The following NBAS variants were observed in gnomAD, a reference collection of about 807,000 sequenced individuals.
NBAS encodes NAG/BC035112 fusion.
NBAS carries 219 observed loss-of-function variants against 302.5 expected under a neutral mutation model. That is an observed-to-expected ratio of 0.72 (90% CI 0.65 to 0.81). NBAS has a LOEUF of 0.81. Among genes scored for constraint, NBAS ranks in the 30% least tolerant of loss-of-function variants. The probability of loss-of-function intolerance (pLI) is 0.00; values close to 1 mark genes in which losing one functional copy is unlikely to be tolerated. For synonymous variants in NBAS, 1,118 were observed against 1,021.6 expected (o/e 1.09, Z -1.80); for missense variants, 2,932 against 2,841.6 (o/e 1.03, Z -0.72).
intron 25 of NBAS, among the ~76,000 whole-genome samples, chr2:15,412,644 C>T (rs1274630870): frequency 6.6e-6 from 1 of 152,112 alleles, no homozygotes; most frequent in African/African-American, 2.4e-5. Context: ...AGGCTGCCTG[C>T]ACAATTTTAA....
the NBAS span, among the ~76,000 whole-genome samples, chr2:15,136,471 T>C: frequency 6.6e-6 from 1 of 152,206 alleles, no homozygotes; most frequent in Non-Finnish European, 1.5e-5. Flanking sequence ...GTGGCTGGGC[T>C]CCAAGAAAAC....
In NBAS at chr2:15,445,668, T is replaced by A. The variant is rs192723571; in HGVS notation, c.2339+15533A>T. Reference sequence around the variant, plus strand: ...CTTAAAGTATAATAATAAAAAAAAATTTTTAAATTTACTTTCAACTAAAAA... The same window carrying A: ...CTTAAAGTATAATAATAAAAAAAAAATTTTAAATTTACTTTCAACTAAAAA... On this transcript the variant is annotated intron_variant, in intron 21 of 51. Transcript: ENST00000281513. Among the ~76,000 whole-genome samples the A allele has an allele frequency of 3.9e-3, 594 of 151,358 alleles. 3 individuals are homozygous for A. Among genetic ancestry groups the A allele is most frequent in the East Asian group, 0.011 (56 of 5,154 alleles).
chr2:15,120,196 A>T, the NBAS span, among the ~76,000 whole-genome samples: 1 of 152,226 alleles, frequency 6.6e-6, no homozygotes, highest in Non-Finnish European at 1.5e-5. Context: ...AAAGCACGGC[A>T]GCTTAGCAGG....
the NBAS span, among the ~76,000 whole-genome samples, chr2:15,132,528 T>G: frequency 1.3e-5 from 2 of 152,170 alleles, no homozygotes; most frequent in South Asian, 4.1e-4. Context: ...TTTGCACAAA[T>G]CCATACAATA....
In NBAS at chr2:15,510,781, CTT is replaced by C. The variant is rs1486328983; in HGVS notation, c.885+429_885+430del. 2.6e-5 allele frequency among the ~76,000 whole-genome samples: 4 copies of C among 152,268 alleles called. No individual in the cohort carries two copies. In the East Asian group the frequency reaches 7.7e-4, roughly 29 times the overall value. ...TTTGCTAGCTGGATGATCAGGGCAA[CTT>C]ACTTAACTACACCTCACTTACCACC... On this transcript the variant is annotated intron_variant, in intron 10 of 51. Coordinates refer to ENST00000281513, the MANE Select transcript of NBAS (RefSeq NM_015909.4).
intron 18 of NBAS, 118 bp from the exon 19 acceptor site, chr2:15,467,525 G>A: frequency 7.8e-7 from 1 of 1,279,804 alleles, no homozygotes; most frequent in Admixed American, 1.8e-5. Flanking sequence ...GTTCAGAAAA[G>A]CACAAGGGTA....
chr2:15,109,593 C>G, the NBAS span, among the ~76,000 whole-genome samples: 1 of 152,122 alleles, frequency 6.6e-6, no homozygotes. Flanking sequence ...AGCTGGAAGG[C>G]TCAGATCAGG....
chr2:15,063,884 T>C, the NBAS span, among the ~76,000 whole-genome samples: 1 of 152,174 alleles, frequency 6.6e-6, no homozygotes, highest in African/African-American at 2.4e-5. Flanking sequence ...AGCCACTCAG[T>C]CTGTGATGTT....
the NBAS span, among the ~76,000 whole-genome samples, chr2:14,805,226 C>T: frequency 4.9e-4 from 74 of 152,198 alleles, no homozygotes; most frequent in African/African-American, 1.7e-3. Context: ...CAGTCAGCTT[C>T]CCAGAGGAAA....
chr2:15,413,114 A>G (rs1290752649), intron 25 of NBAS, among the ~76,000 whole-genome samples: 2 of 152,158 alleles, frequency 1.3e-5, no homozygotes, highest in Non-Finnish European at 2.9e-5. Context: ...TTTATTCTCC[A>G]CACATACTGG....
chr2:15,242,054 A>G (rs979122453), intron 44 of NBAS, among the ~76,000 whole-genome samples: 4 of 152,318 alleles, frequency 2.6e-5, no homozygotes, highest in Middle Eastern at 3.4e-3. Context: ...AGCCTCTACA[A>G]GCATTCCACT....
At chr2:14,971,697 G>A in the NBAS span, among the ~76,000 whole-genome samples, 1 of 152,184 alleles carries the variant, frequency 6.6e-6, no homozygotes, top group Non-Finnish European at 1.5e-5. Flanking sequence ...GTAAGAAACA[G>A]CAATGCCACA....
At chr2:15,087,223 AACACACACACAC>A in the NBAS span, among the ~76,000 whole-genome samples, 6 of 143,192 alleles carry the variant, frequency 4.2e-5, no homozygotes, top group Non-Finnish European at 6.1e-5. Flanking sequence ...TTTTTATACA[AACACACACACAC>A]ACACACACAC....
At chr2:15,534,191 A>C (rs1663368333) in intron 9 of NBAS, among the ~76,000 whole-genome samples, 1 of 152,190 alleles carries the variant, frequency 6.6e-6, no homozygotes, top group Non-Finnish European at 1.5e-5. Context: ...GCATCTACTG[A>C]GGCCGTTCTG....
chr2:15,482,950 G>A (rs567144444), intron 12 of NBAS, among the ~76,000 whole-genome samples: 1 of 152,202 alleles, frequency 6.6e-6, no homozygotes, highest in Admixed American at 6.5e-5. Flanking sequence ...CCACATTACT[G>A]AAAACAGCCT....
At chr2:15,455,797 C>T (rs1040062785) in intron 21 of NBAS, among the ~76,000 whole-genome samples, 1 of 97,642 alleles carries the variant, frequency 1.0e-5, no homozygotes, top group East Asian at 2.0e-4. Context: ...TACACTATTT[C>T]AACAGACAAC....
At chr2:15,094,297 G>A in the NBAS span, among the ~76,000 whole-genome samples, 1 of 152,226 alleles carries the variant, frequency 6.6e-6, no homozygotes, top group Non-Finnish European at 1.5e-5. Context: ...GCCTCATAAT[G>A]AGAAGTCATA....
chr2:14,956,521 T>C, the NBAS span, among the ~76,000 whole-genome samples: 15 of 152,226 alleles, frequency 9.9e-5, no homozygotes, highest in Non-Finnish European at 2.2e-4. Flanking sequence ...TATAAGGACA[T>C]ACCCAAGACT....
chr2:15,386,663 T>G (rs780071249), intron 28 of NBAS, among the ~76,000 whole-genome samples: 1 of 152,158 alleles, frequency 6.6e-6, no homozygotes, highest in Non-Finnish European at 1.5e-5. Flanking sequence ...CCACCTACTG[T>G]CCGGCAAGCA....
Sources: gnomAD v4.1 joint callset for allele counts (sites outside exome capture counted in the v4.1 genomes callset) on GRCh38, gnomAD v4.1.1 for gene constraint, MANE v1.5 for transcripts, NCBI Gene and HGNC (gene_info 2026-07-23, HGNC 2026-07-21) for gene names.